The following MCRS1 variants were observed in gnomAD, a reference collection of about 807,000 sequenced individuals.
MCRS1 encodes 58 kDa microspherule protein.
MCRS1 carries 22 observed loss-of-function variants against 62.9 expected under a neutral mutation model. That is an observed-to-expected ratio of 0.35 (90% CI 0.25 to 0.50). The LOEUF (loss-of-function observed/expected upper bound fraction) is 0.50, where lower values mean the gene tolerates loss of function less well. Among genes scored for constraint, MCRS1 ranks in the 20% least tolerant of loss-of-function variants. The probability of loss-of-function intolerance (pLI) is 0.98; values close to 1 mark genes in which losing one functional copy is unlikely to be tolerated. For missense variants in MCRS1, 456 were observed against 601.1 expected, an observed-to-expected ratio of 0.76 and a Z score of 2.52; for synonymous variants, 244 against 233.5, an observed-to-expected ratio of 1.04 and a Z score of -0.41.
chr12:49,562,876 C>T (rs1016102851), intron 8 of MCRS1, 125 bp downstream of exon 8: 5 of 1,284,528 alleles, frequency 3.9e-6, no homozygotes, highest in Non-Finnish European at 5.2e-6. Context: ...GTGAGGTGAA[C>T]AAGACACTGG....
chr12:49,564,167 C>A (rs921083852), intron 6 of MCRS1, among the ~76,000 whole-genome samples: 18 of 152,262 alleles, frequency 1.2e-4, no homozygotes, highest in Middle Eastern at 3.4e-3. Context: ...CCGCCCAAAG[C>A]CACAACACAC....
Position 49,559,065 on chromosome 12 carries a change from C to G in MCRS1, c.1175-95G>C. 6.4e-7 allele frequency: 1 copy of G among 1,566,228 alleles called. No individual in the cohort carries two copies. Among genetic ancestry groups the G allele is most frequent in the Non-Finnish European group, 8.7e-7 (1 of 1,143,656 alleles). ...AGAGCCAGGAGCTTCCATGGACCAG[C>G]TCTGCTTCCTGCAGACACCAAGGAA... On this transcript the variant is annotated intron_variant, in intron 13 of 14. Transcript: ENST00000343810. This position sits in a 1 kb window ranked among gnomAD's most constrained non-coding sequence, Gnocchi z 5.2.
At chr12:49,567,136 T>C (rs1218160384) in intron 1 of MCRS1, among the ~76,000 whole-genome samples, 1 of 152,162 alleles carries the variant, frequency 6.6e-6, no homozygotes, top group Non-Finnish European at 1.5e-5. Flanking sequence ...GTTAAGCGCC[T>C]TGACTATAAA....
Position 49,566,796 on chromosome 12 carries a change from C to A in MCRS1, c.-65G>T. 6.3e-7 allele frequency: 1 copy of A among 1,595,926 alleles called. No individual in the cohort carries two copies. The highest frequency in any genetic ancestry group is 8.6e-7 in the Non-Finnish European group (1 of 1,168,334). On this transcript the variant is annotated 5_prime_UTR_variant, in exon 2 of 15. It removes an upstream start codon present in the reference 5' UTR. Transcript: ENST00000343810. ...GCTAGGAGGAACGGTCCCACAGGCTCATCCAAGGATTCTGACCAGGTGAGC... is the reference window on the plus strand; with the variant it reads ...GCTAGGAGGAACGGTCCCACAGGCTAATCCAAGGATTCTGACCAGGTGAGC...
Position 49,566,796 on chromosome 12 carries a change from C to T in MCRS1, c.-65G>A, listed in dbSNP as rs1325696926. 8 of 1,595,808 alleles carry T rather than the reference C, an allele frequency of 5.0e-6. No individual in the cohort carries two copies. The highest frequency in any genetic ancestry group is 5.1e-6 in the Non-Finnish European group (6 of 1,168,342). On this transcript the variant is annotated 5_prime_UTR_variant, in exon 2 of 15. It removes an upstream start codon present in the reference 5' UTR. Coordinates refer to ENST00000343810, the MANE Select transcript of MCRS1 (RefSeq NM_006337.5). ...GCTAGGAGGAACGGTCCCACAGGCT[C>T]ATCCAAGGATTCTGACCAGGTGAGC... is the stretch of plus-strand genomic sequence containing the variant.
In MCRS1 at chr12:49,559,774, C is replaced by T; in HGVS notation, c.958G>A (p.Glu320Lys). 6.2e-7 allele frequency: 1 copy of T among 1,614,220 alleles called. No individual in the cohort carries two copies. The highest frequency in any genetic ancestry group is 8.5e-7 in the Non-Finnish European group (1 of 1,180,034). ...RRQKREIRQL[E>K]QELHKWQVLV... ...ACCTGCCACTTATGCAGTTCCTGTTCCAGCTGCCGAATCTCTCGCTTCTGG... is the reference window on the plus strand; with the variant it reads ...ACCTGCCACTTATGCAGTTCCTGTTTCAGCTGCCGAATCTCTCGCTTCTGG... Residue 320 changes from glutamate to lysine, a missense_variant, in exon 11 of 15, where the codon GAA becomes AAA. Transcript: ENST00000343810. The surrounding 1 kb of genome is among the most constrained non-coding windows in gnomAD (Gnocchi z 5.2).
rs1453280486 is a variant in MCRS1, at chr12:49,559,644, G to A, written c.1003+85C>T. ...GGGGGTCGGGGCCTGGGAAACGAGGGTCTCCCCAGCCAGGCAGCAACAGGG... is the reference window on the plus strand; with the variant it reads ...GGGGGTCGGGGCCTGGGAAACGAGGATCTCCCCAGCCAGGCAGCAACAGGG... On this transcript the variant is annotated intron_variant, in intron 11 of 14. Coordinates refer to ENST00000343810, the MANE Select transcript of MCRS1 (RefSeq NM_006337.5). This position sits in a 1 kb window ranked among gnomAD's most constrained non-coding sequence, Gnocchi z 5.2. The A allele has an allele frequency of 3.1e-6, 5 of 1,590,140 alleles. No homozygotes were observed. In the African/African-American group the frequency reaches 4.0e-5, roughly 13 times the overall value.
chr12:49,566,980 T>C, intron 1 of MCRS1, 139 bp from the exon 2 acceptor site: 1 of 567,392 alleles, frequency 1.8e-6, no homozygotes. Flanking sequence ...GGCCCCACTC[T>C]GCCAATAATA....
intron 6 of MCRS1, among the ~76,000 whole-genome samples, chr12:49,563,935 A>C (rs1240778005): frequency 6.6e-6 from 1 of 152,216 alleles, no homozygotes; most frequent in Non-Finnish European, 1.5e-5. Context: ...CTACAACTTA[A>C]GTGGTACCAG....
rs1218207863 is a variant in MCRS1, at chr12:49,563,546, C to T, written c.558G>A (p.Lys186=). The T allele has an allele frequency of 6.8e-6, 11 of 1,606,030 alleles. No homozygotes were observed. Among genetic ancestry groups the T allele is most frequent in the Admixed American group, 3.3e-5 (2 of 59,730 alleles). The change falls in exon 7 of 15, where the codon AAG becomes AAA. Residue 186 remains lysine, a splice_region_variant and synonymous_variant. Transcript: ENST00000343810. ...YALLYDPVIS[K]LACQAMRQLH... ...GCTGCCTCATGGCCTGACAGGCCAA[C>T]CTGGACACGGAAAGAGACAGAGGGG...
At position 49,558,498 on chromosome 12, in the gene MCRS1, T is replaced by C. The variant is rs996269319; in HGVS notation, c.*145A>G. On this transcript the variant is annotated 3_prime_UTR_variant, in exon 15 of 15. Coordinates refer to ENST00000343810, the MANE Select transcript of MCRS1 (RefSeq NM_006337.5). ...GCTGGCTTCACAAAGGCCAGCCCTA[T>C]CCTCCCTCAAAGGCTCAAATCAATG... is the stretch of plus-strand genomic sequence containing the variant. 3.8e-6 allele frequency: 3 copies of C among 790,686 alleles called. No individual in the cohort carries two copies. Among genetic ancestry groups the C allele is most frequent in the Non-Finnish European group, 5.9e-6 (3 of 505,198 alleles). 49.0% of individuals were successfully genotyped at this position (790,686 alleles called of 1,614,324 possible). A position where few individuals can be genotyped will look rare whatever the true frequency, so the allele number is the denominator to read the frequency against.
chr12:49,566,828 G>A lies in MCRS1; in HGVS notation c.-97C>T. 6.7e-7 allele frequency: 1 copy of A among 1,493,710 alleles called. No homozygotes were observed. The highest frequency in any genetic ancestry group is 9.2e-7 in the Non-Finnish European group (1 of 1,090,936). The allele number at this position is 1,493,710 out of a possible 1,614,324, so 92.5% of individuals were successfully genotyped here. On this transcript the variant is annotated 5_prime_UTR_variant, in exon 2 of 15. Coordinates refer to ENST00000343810, the MANE Select transcript of MCRS1 (RefSeq NM_006337.5). ...GGATTCTGACCAGGTGAGCTTAAAG[G>A]CTGAGAGGAGATTCTGCAAAGGAGA... is the stretch of plus-strand genomic sequence containing the variant.
At chr12:49,560,095 C>A in intron 9 of MCRS1, 128 bp from the exon 10 acceptor site, 2 of 1,357,410 alleles carry the variant, frequency 1.5e-6, no homozygotes, top group Non-Finnish European at 2.1e-6. Context: ...CTTGGCCCAG[C>A]CTCCTTCTCT....
At position 49,566,057 on chromosome 12, in the gene MCRS1, G is replaced by C; in HGVS notation, c.149+20C>G. Reference sequence around the variant, plus strand: ...ACCTTCTACCCTTTCCCAGTTCCTGGCCCTCCGAACCCTTACTACCTGGAG... The same window carrying C: ...ACCTTCTACCCTTTCCCAGTTCCTGCCCCTCCGAACCCTTACTACCTGGAG... On this transcript the variant is annotated intron_variant, in intron 3 of 14. Coordinates refer to ENST00000343810, the MANE Select transcript of MCRS1 (RefSeq NM_006337.5). 6.2e-7 allele frequency: 1 copy of C among 1,607,772 alleles called. No homozygotes were observed. Among genetic ancestry groups the C allele is most frequent in the South Asian group, 1.1e-5 (1 of 90,388 alleles).
intron 8 of MCRS1, among the ~76,000 whole-genome samples, chr12:49,561,599 TAAC>T (rs752061494): frequency 6.6e-6 from 1 of 152,268 alleles, no homozygotes; most frequent in Non-Finnish European, 1.5e-5. Flanking sequence ...GGCTTTTAGT[TAAC>T]AAATAAATTT....
intron 2 of MCRS1, 33 bp from the exon 3 acceptor site, chr12:49,566,248 C>T (rs1939053647): frequency 1.9e-6 from 3 of 1,600,836 alleles, no homozygotes; most frequent in Non-Finnish European, 2.6e-6. Context: ...TTCGGGCCTC[C>T]TAAGATCCTA....
intron 8 of MCRS1, among the ~76,000 whole-genome samples, chr12:49,560,982 G>A (rs1363292194): frequency 6.6e-6 from 1 of 152,120 alleles, no homozygotes; most frequent in Non-Finnish European, 1.5e-5. Context: ...AAAATGAAAT[G>A]GAATAGGAAA....
Position 49,564,497 on chromosome 12 carries a change from C to G in MCRS1, c.541G>C (p.Asp181His). 1 of 1,613,016 alleles carries G rather than the reference C, an allele frequency of 6.2e-7. No homozygotes were observed. Among genetic ancestry groups the G allele is most frequent in the South Asian group, 1.1e-5 (1 of 90,832 alleles). The change falls in exon 6 of 15, where the codon GAT becomes CAT. Residue 181 changes from aspartate to histidine, a missense_variant. Coordinates refer to ENST00000343810, the MANE Select transcript of MCRS1 (RefSeq NM_006337.5). ...CCCACTCACTTGGAGATGACAGGAT[C>G]GTAGAGCAGGGCGTACCAACGCTCC... ...VQERWYALLYDPVISKLACQA... is the reference protein window; with the variant it reads ...VQERWYALLYHPVISKLACQA...
At chr12:49,562,957 T>C (rs780383300) in intron 8 of MCRS1, 44 bp downstream of exon 8, 46 of 1,565,248 alleles carry the variant, frequency 2.9e-5, no homozygotes, top group Non-Finnish European at 3.8e-5. Context: ...CACACACACA[T>C]GCACGTGCAC....
Sources: allele counts gnomAD v4.1 joint callset (sites outside exome capture counted in the v4.1 genomes callset), GRCh38; gene constraint gnomAD v4.1.1; non-coding constraint Gnocchi (gnomAD v3.1); transcripts MANE v1.5; gene names NCBI Gene and HGNC (gene_info 2026-07-23, HGNC 2026-07-21).